Variants in COPB2 observed in about 807,000 individuals in gnomAD.
COPB2 encodes the protein coat protein complex I subunit beta 2, also known as coatomer subunit beta'.
A neutral mutation model predicts 120.8 loss-of-function variants in COPB2; 16 were observed. That is an observed-to-expected ratio of 0.13 (90% CI 0.09 to 0.20). COPB2 has a LOEUF of 0.20. COPB2 is among the 10% of genes least tolerant of loss of function. COPB2 has a pLI of 1.00. For synonymous variants in COPB2, 332 were observed against 366.3 expected (o/e 0.91, Z 1.07); for missense variants, 794 against 1,076.5 (o/e 0.74, Z 3.67).
At chr3:139,387,815 A>ATAT (rs888538943) in intron 1 of COPB2, among the ~76,000 whole-genome samples, 2 of 152,218 alleles carry the variant, frequency 1.3e-5, no homozygotes, top group African/African-American at 4.8e-5. Context: ...TAAAACAGGA[A>ATAT]TATTATTATT....
rs1284835128 is a variant in COPB2, at chr3:139,389,571, G to A, written c.-21C>T. On this transcript the variant is annotated 5_prime_UTR_variant, in exon 1 of 22. Coordinates refer to ENST00000333188, the MANE Select transcript of COPB2 (RefSeq NM_004766.3). ...ACCATGGCTGCGTCGGTCCAATCCCGGGAACCCTCGTTTGTTACCGGCTAC... is the reference window on the plus strand; with the variant it reads ...ACCATGGCTGCGTCGGTCCAATCCCAGGAACCCTCGTTTGTTACCGGCTAC... The A allele has an allele frequency of 7.0e-6, 11 of 1,570,986 alleles. No individual in the cohort carries two copies. Among genetic ancestry groups the A allele is most frequent in the African/African-American group, 1.4e-5 (1 of 73,866 alleles).
intron 12 of COPB2, 42 bp from the exon 13 acceptor site, chr3:139,368,330 G>A: frequency 6.3e-7 from 1 of 1,582,074 alleles, no homozygotes; most frequent in Non-Finnish European, 8.6e-7. Flanking sequence ...TTGGATTTCT[G>A]AGTGGATATG....
At chr3:139,374,298 CGATGATGATGATGAT>C (rs59409399) in intron 7 of COPB2, 176 bp downstream of exon 7, 138 of 494,760 alleles carry the variant, frequency 2.8e-4, no homozygotes, top group African/African-American at 2.3e-3. Context: ...AGAATGATGA[CGATGATGATGATGAT>C]GATGATGATG....
intron 10 of COPB2, among the ~76,000 whole-genome samples, chr3:139,370,773 C>T (rs1352680604): frequency 6.6e-6 from 1 of 152,120 alleles, no homozygotes; most frequent in African/African-American, 2.4e-5. Context: ...AAAAAAAGGA[C>T]TATCAAAATA....
In COPB2 at chr3:139,358,267, A is replaced by G. The variant is rs750171651; in HGVS notation, c.2558T>C (p.Leu853Pro). Residue 853 changes from leucine to proline, a missense_variant, in exon 21 of 22, where the codon CTT (leucine) becomes CCT (proline). Around this residue, in one of 3 missense-constraint regions of COPB2, gnomAD observed 178 missense variants for 183.2 expected, o/e 0.97. Coordinates refer to ENST00000333188, the MANE Select transcript of COPB2 (RefSeq NM_004766.3). ...AGTAGGAGAAGCAGGTTTCCCATCAAGTTCCTGAAACCACAAGTGAAGATA... is the reference window on the plus strand; with the variant it reads ...AGTAGGAGAAGCAGGTTTCCCATCAGGTTCCTGAAACCACAAGTGAAGATA... ...QPSRSTAQQE[L>P]DGKPASPTPV... is the part of the protein sequence containing the mutation. 1.9e-6 allele frequency: 3 copies of G among 1,613,852 alleles called. No homozygotes were observed. In the South Asian group the frequency reaches 3.3e-5, roughly 18 times the overall value.
At chr3:139,384,169 C>T (rs146020257) in intron 1 of COPB2, among the ~76,000 whole-genome samples, 1 of 152,154 alleles carries the variant, frequency 6.6e-6, no homozygotes, top group East Asian at 1.9e-4. Flanking sequence ...GCTGTTTATA[C>T]TTCGTTACAT....
chr3:139,382,229 C>T (rs1371889218), intron 2 of COPB2: 2 of 152,102 alleles, frequency 1.3e-5, no homozygotes, highest in East Asian at 1.9e-4. Flanking sequence ...TCCCCCTTGC[C>T]GTTCTCGTGA....
chr3:139,376,466 A>G (rs915445939), intron 5 of COPB2, among the ~76,000 whole-genome samples: 1 of 152,204 alleles, frequency 6.6e-6, no homozygotes, highest in Admixed American at 6.5e-5. Flanking sequence ...TGTATAAAAT[A>G]AACTTTATTG....
rs151249156 is a variant in COPB2 at position 139,363,008 on chromosome 3, A to C, written c.1885-491T>G. 4.4e-3 allele frequency among the ~76,000 whole-genome samples: 663 copies of C among 152,334 alleles called. 7 individuals carry two copies. The highest frequency in any genetic ancestry group is 0.015 in the African/African-American group (630 of 41,574). Reference sequence around the variant, plus strand: ...GAGACTATTAGCAGTAAATGGCCAAAGAAACGGGAGTCAAATATAAAACCT... The same window carrying C: ...GAGACTATTAGCAGTAAATGGCCAACGAAACGGGAGTCAAATATAAAACCT... On this transcript the variant is annotated intron_variant, in intron 15 of 21. Transcript: ENST00000333188.
At chr3:139,377,952 G>T in intron 5 of COPB2, 89 bp downstream of exon 5, 2 of 1,233,766 alleles carry the variant, frequency 1.6e-6, no homozygotes, top group Non-Finnish European at 2.1e-6. Flanking sequence ...TTTTAAGATG[G>T]GTACATTTCT....
At chr3:139,370,150 G>A (rs1941596480) in intron 10 of COPB2, among the ~76,000 whole-genome samples, 1 of 152,218 alleles carries the variant, frequency 6.6e-6, no homozygotes, top group South Asian at 2.1e-4. Flanking sequence ...TAGTAGTTAC[G>A]GATTACATAC....
At chr3:139,379,018 G>T (rs199947867) in intron 4 of COPB2, 29 bp downstream of exon 4, 16 of 1,548,528 alleles carry the variant, frequency 1.0e-5, no homozygotes, top group Non-Finnish European at 3.5e-6. Flanking sequence ...CCAAAGAGAC[G>T]CACATGACCA....
chr3:139,388,968 C>T (rs564896426), intron 1 of COPB2, among the ~76,000 whole-genome samples: 3 of 152,234 alleles, frequency 2.0e-5, no homozygotes, highest in African/African-American at 7.2e-5. Flanking sequence ...ACTGGATTTG[C>T]AAATGCATAA....
chr3:139,360,706 TG>T (rs1941402775), intron 17 of COPB2, among the ~76,000 whole-genome samples: 1 of 152,160 alleles, frequency 6.6e-6, no homozygotes, highest in Non-Finnish European at 1.5e-5. Context: ...TTGCCATAAA[TG>T]GATCAAAGTT....
rs988187463 is a variant in COPB2 at position 139,357,682 on chromosome 3, T to A, written c.*181A>T. 1.4e-5 allele frequency: 6 copies of A among 434,618 alleles called. No homozygotes were observed. The highest frequency in any genetic ancestry group is 2.4e-5 in the Non-Finnish European group (6 of 247,750). The allele number at this position is 434,618 out of a possible 1,614,324, so 26.9% of individuals were successfully genotyped here. ...TAGTTAACAAGGAAAACACAGTGAT[T>A]TAAATGCTGCACATAAACTCTTCTT... On this transcript the variant is annotated 3_prime_UTR_variant, in exon 22 of 22. Transcript: ENST00000333188.
Position 139,358,133 on chromosome 3 carries a change from T to C in COPB2, c.2625+67A>G, listed in dbSNP as rs1941327399. 3.6e-6 allele frequency: 5 copies of C among 1,397,596 alleles called. No homozygotes were observed. In the Admixed American group the frequency reaches 8.5e-5, roughly 24 times the overall value. The allele number at this position is 1,397,596 out of a possible 1,614,324, so 86.6% of individuals were successfully genotyped here. ...GTCACTTAAACCACAGAGGCCTACG[T>C]ATCCTCCAGATATTGATGGGGAGGA... On this transcript the variant is annotated intron_variant, in intron 21 of 21. Coordinates refer to ENST00000333188, the MANE Select transcript of COPB2 (RefSeq NM_004766.3).
chr3:139,379,054 A>C lies in COPB2; in HGVS notation c.348T>G (p.Thr116=). ...AAAAAGGTCATCTCTTACCACTGCT[A>C]GTTAGAATGAAAGGCTGGGTTGGAT... ...AVHPTQPFIL[T]SSDDMLIKLW... Residue 116 remains threonine, a synonymous_variant, in exon 4 of 22, where the codon ACT becomes ACG. Transcript: ENST00000333188. 6.3e-7 allele frequency: 1 copy of C among 1,596,394 alleles called. No homozygotes were observed. Among genetic ancestry groups the C allele is most frequent in the Non-Finnish European group, 8.5e-7 (1 of 1,175,050 alleles).
At position 139,362,324 on chromosome 3, in the gene COPB2, T is replaced by C. The variant is rs1176770177; in HGVS notation, c.1995+83A>G. On this transcript the variant is annotated intron_variant, in intron 16 of 21. Transcript: ENST00000333188. ...CACTAATTTGCATTTGGGAAAACTT[T>C]AATAACAAAACATTACACCAAACAC... 5.5e-6 allele frequency: 5 copies of C among 906,784 alleles called. No homozygotes were observed. The East Asian group carries it at 1.4e-4, about 25-fold the overall frequency. The allele number at this position is 906,784 out of a possible 1,614,324, so 56.2% of individuals were successfully genotyped here.
intron 15 of COPB2, among the ~76,000 whole-genome samples, chr3:139,365,159 C>G (rs1365273163): frequency 1.3e-5 from 2 of 151,862 alleles, no homozygotes; most frequent in African/African-American, 4.8e-5. Flanking sequence ...CATAAGTTTC[C>G]CATTAAAAAA....
Sources: allele counts gnomAD v4.1 joint callset (sites outside exome capture counted in the v4.1 genomes callset), GRCh38; gene constraint gnomAD v4.1.1; regional missense constraint gnomAD v4.1.1; transcripts MANE v1.5; gene names NCBI Gene and HGNC (gene_info 2026-07-23, HGNC 2026-07-21).